Variants in SAMMSON observed in about 807,000 individuals in gnomAD.
SAMMSON encodes survival associated mitochondrial melanoma specific oncogenic non-coding RNA, also known as long intergenic non-protein coding RNA 1212.
intron 4 of SAMMSON, among the ~76,000 whole-genome samples, chr3:70,223,640 T>C (rs1445808739): frequency 2.0e-5 from 3 of 152,164 alleles, no homozygotes; most frequent in African/African-American, 7.2e-5. Flanking sequence ...CCTGGTACCC[T>C]GTCACAGGTT....
chr3:70,369,615 G>A (rs1319930397), intron 9 of SAMMSON, among the ~76,000 whole-genome samples: 1 of 151,388 alleles, frequency 6.6e-6, no homozygotes, highest in Non-Finnish European at 1.5e-5. Context: ...CCTGATCTTA[G>A]GGGAAAAGAG....
chr3:70,368,140 T>C (rs1359540541), intron 9 of SAMMSON, among the ~76,000 whole-genome samples: 1 of 151,422 alleles, frequency 6.6e-6, no homozygotes, highest in Non-Finnish European at 1.5e-5. Context: ...TTTAAAAATG[T>C]TTTCTTCAGG....
At chr3:70,105,485 C>T (rs964787663) in intron 4 of SAMMSON, among the ~76,000 whole-genome samples, 5 of 152,136 alleles carry the variant, frequency 3.3e-5, no homozygotes, top group Admixed American at 2.0e-4. Flanking sequence ...GACCCTGAAG[C>T]GTGACTGCTC....
At chr3:70,082,469 G>T (rs2067270774) in intron 4 of SAMMSON, among the ~76,000 whole-genome samples, 2 of 152,172 alleles carry the variant, frequency 1.3e-5, no homozygotes, top group Admixed American at 6.5e-5. Flanking sequence ...CTACATGTTG[G>T]TGGGGAAGGT....
At chr3:70,398,119 C>T (rs1217622394) in intron 2 of SAMMSON, among the ~76,000 whole-genome samples, 1 of 151,966 alleles carries the variant, frequency 6.6e-6, no homozygotes, top group Non-Finnish European at 1.5e-5. Context: ...ATCAGAGCAA[C>T]TTGGGAGAAA....
At chr3:70,419,779 C>T (rs1424714519) in intron 2 of SAMMSON, among the ~76,000 whole-genome samples, 10 of 152,112 alleles carry the variant, frequency 6.6e-5, no homozygotes, top group African/African-American at 2.2e-4. Context: ...GCTGAGACTA[C>T]GGGTGCCTGC....
intron 9 of SAMMSON, among the ~76,000 whole-genome samples, chr3:70,377,888 C>T (rs1374702989): frequency 1.3e-5 from 2 of 151,866 alleles, no homozygotes; most frequent in Middle Eastern, 3.2e-3. Flanking sequence ...TTCTTTATTT[C>T]ATTAATATCA....
At chr3:70,148,409 T>C (rs776821164) in intron 4 of SAMMSON, among the ~76,000 whole-genome samples, 1 of 152,152 alleles carries the variant, frequency 6.6e-6, no homozygotes, top group African/African-American at 2.4e-5. Flanking sequence ...AATTACAGAA[T>C]TAAAAATCTT....
At chr3:70,162,064 C>G (rs1468579093) in intron 4 of SAMMSON, among the ~76,000 whole-genome samples, 2 of 151,546 alleles carry the variant, frequency 1.3e-5, no homozygotes, top group Non-Finnish European at 3.0e-5. Flanking sequence ...TCAATTTTGT[C>G]AGTGATTCCA....
At chr3:70,162,593 TAAATATGTA>T (rs1004482911) in intron 4 of SAMMSON, among the ~76,000 whole-genome samples, 2 of 151,934 alleles carry the variant, frequency 1.3e-5, no homozygotes, top group Non-Finnish European at 2.9e-5. Context: ...GCACTTGAAG[TAAATATGTA>T]TTCTGCTGTT....
chr3:70,283,422 G>C (rs1702108760), intron 6 of SAMMSON, among the ~76,000 whole-genome samples: 1 of 152,042 alleles, frequency 6.6e-6, no homozygotes. Context: ...AATTCTCCCT[G>C]GATACTGTAG....
chr3:70,430,883 A>T (rs571701826), intron 2 of SAMMSON, among the ~76,000 whole-genome samples: 8 of 152,272 alleles, frequency 5.3e-5, no homozygotes, highest in African/African-American at 1.9e-4. Context: ...TTTCATTCTG[A>T]GAAAATTCCA....
intron 3 of SAMMSON, among the ~76,000 whole-genome samples, chr3:70,058,596 A>G (rs1046112272): frequency 1.3e-5 from 2 of 152,020 alleles, no homozygotes; most frequent in African/African-American, 4.8e-5. Context: ...TTTTGTTTAG[A>G]TGGATGTTGG....
intron 3 of SAMMSON, among the ~76,000 whole-genome samples, chr3:70,031,859 A>T (rs1374581771): frequency 6.6e-6 from 1 of 152,190 alleles, no homozygotes; most frequent in East Asian, 1.9e-4. Context: ...TACAGCCATC[A>T]GCACAGTACC....
intron 9 of SAMMSON, among the ~76,000 whole-genome samples, chr3:70,379,902 G>A (rs1002768250): frequency 1.3e-5 from 2 of 152,044 alleles, no homozygotes; most frequent in Non-Finnish European, 2.9e-5. Context: ...ATATATTAAA[G>A]TTAATACAAA....
At chr3:70,158,563 A>C (rs1173429784) in intron 4 of SAMMSON, among the ~76,000 whole-genome samples, 3 of 151,948 alleles carry the variant, frequency 2.0e-5, no homozygotes, top group Non-Finnish European at 4.4e-5. Context: ...TAATGCAAAC[A>C]AGAAAAGTAG....
chr3:70,189,238 A>G (rs1024458006), intron 4 of SAMMSON, among the ~76,000 whole-genome samples: 5 of 152,154 alleles, frequency 3.3e-5, no homozygotes, highest in African/African-American at 1.2e-4. Flanking sequence ...CATAGATGGT[A>G]TTAGTTATAA....
chr3:70,134,460 A>G (rs1484530963), intron 4 of SAMMSON, among the ~76,000 whole-genome samples: 3 of 151,976 alleles, frequency 2.0e-5, no homozygotes, highest in African/African-American at 7.3e-5. Flanking sequence ...TGTTGACTAC[A>G]GTTGCAATGA....
chr3:70,329,966 A>G (rs1170894771), intron 7 of SAMMSON, among the ~76,000 whole-genome samples: 1 of 152,046 alleles, frequency 6.6e-6, no homozygotes, highest in African/African-American at 2.4e-5. Context: ...AATAATTTAC[A>G]AGAAAAAGTT....
Sources: allele counts gnomAD v4.1 joint callset (sites outside exome capture counted in the v4.1 genomes callset), GRCh38; gene constraint gnomAD v4.1.1; transcripts MANE v1.5; gene names NCBI Gene and HGNC (gene_info 2026-07-23, HGNC 2026-07-21).